SLC39A11: variants seen among roughly 807,000 people sequenced by gnomAD.
SLC39A11 encodes the protein zinc transporter ZIP11.
In SLC39A11, 33 loss-of-function variants were observed where a neutral mutation model predicts 36.1. The observed-to-expected ratio is 0.91, with a 90% confidence interval of 0.69 to 1.22. The LOEUF is 1.22. Ranked by LOEUF, SLC39A11 falls within the 50% of genes most tolerant of loss-of-function variation. The pLI is 0.00. For synonymous variants in SLC39A11, 166 were observed against 170.3 expected, an observed-to-expected ratio of 0.97 and a Z score of 0.20; for missense variants, 432 against 430.3, an observed-to-expected ratio of 1.00 and a Z score of -0.03.
intron 6 of SLC39A11, among the ~76,000 whole-genome samples, chr17:72,784,857 CTTCTTT>C (rs1157053936): frequency 1.1e-4 from 13 of 116,150 alleles, no homozygotes; most frequent in African/African-American, 1.9e-4. Flanking sequence ...TTTTTTCTTT[CTTCTTT>C]TTTTTTTTTT....
intron 5 of SLC39A11, among the ~76,000 whole-genome samples, chr17:72,857,061 T>C (rs1458972095): frequency 6.6e-6 from 1 of 152,220 alleles, no homozygotes; most frequent in Non-Finnish European, 1.5e-5. Context: ...GGGTTTGTTG[T>C]ACAAATTATT....
intron 3 of SLC39A11, among the ~76,000 whole-genome samples, chr17:73,076,242 G>A (rs2060317088): frequency 6.6e-6 from 1 of 150,816 alleles, no homozygotes. Context: ...GTAATTTAAG[G>A]AGTCAGGAGA....
At chr17:73,085,002 C>T (rs2060673867) in intron 2 of SLC39A11, among the ~76,000 whole-genome samples, 156 bp from the exon 3 acceptor site, 1 of 152,160 alleles carries the variant, frequency 6.6e-6, no homozygotes, top group Non-Finnish European at 1.5e-5. Context: ...GGGCCAAGAA[C>T]CACGGGGAAA....
At chr17:72,837,012 T>C (rs2078579971) in intron 6 of SLC39A11, among the ~76,000 whole-genome samples, 1 of 152,140 alleles carries the variant, frequency 6.6e-6, no homozygotes, top group South Asian at 2.1e-4. Context: ...ACATGTTCTT[T>C]CTCATGGCTA....
intron 4 of SLC39A11, among the ~76,000 whole-genome samples, chr17:72,986,475 G>A (rs1401626200): frequency 6.6e-6 from 1 of 152,180 alleles, no homozygotes; most frequent in African/African-American, 2.4e-5. Flanking sequence ...CCACCTGCCA[G>A]GCACTGGCCC....
intron 7 of SLC39A11, among the ~76,000 whole-genome samples, chr17:72,721,968 C>CAAAAAAAAAA (rs11399362): frequency 1.1e-4 from 12 of 104,936 alleles, no homozygotes; most frequent in African/African-American, 4.6e-4. Context: ...GCCTCCATCT[C>CAAAAAAAAAA]AAAAAAAAAA....
intron 6 of SLC39A11, among the ~76,000 whole-genome samples, chr17:72,774,759 T>C (rs1241136207): frequency 6.6e-6 from 1 of 152,232 alleles, no homozygotes; most frequent in Non-Finnish European, 1.5e-5. Flanking sequence ...TAGTGGCTTC[T>C]AGTTAGAGCA....
intron 7 of SLC39A11, among the ~76,000 whole-genome samples, chr17:72,667,565 T>C (rs1479371535): frequency 2.6e-5 from 4 of 152,100 alleles, no homozygotes; most frequent in Non-Finnish European, 5.9e-5. Context: ...GCCAGTAGGG[T>C]GGCTGGGGAT....
intron 6 of SLC39A11, among the ~76,000 whole-genome samples, chr17:72,816,239 T>A (rs1243446886): frequency 6.6e-6 from 1 of 152,194 alleles, no homozygotes; most frequent in African/African-American, 2.4e-5. Flanking sequence ...AACTTAGGAA[T>A]CCCTACATGT....
intron 6 of SLC39A11, among the ~76,000 whole-genome samples, chr17:72,788,907 A>T (rs1339806577): frequency 6.6e-6 from 1 of 152,228 alleles, no homozygotes. Flanking sequence ...GGTGACATGT[A>T]CTGTGGCAAG....
chr17:72,936,816 A>C (rs2084800183), intron 5 of SLC39A11, among the ~76,000 whole-genome samples: 2 of 152,162 alleles, frequency 1.3e-5, no homozygotes, highest in Non-Finnish European at 2.9e-5. Flanking sequence ...GATTCTCATA[A>C]GGAAGGCGCG....
intron 7 of SLC39A11, among the ~76,000 whole-genome samples, chr17:72,660,974 C>T (rs1431044216): frequency 6.6e-6 from 1 of 152,212 alleles, no homozygotes. Context: ...GAGCTTGCTT[C>T]CTTAGCAAAT....
chr17:72,770,061 C>T (rs920620383), intron 6 of SLC39A11, among the ~76,000 whole-genome samples: 7 of 152,214 alleles, frequency 4.6e-5, no homozygotes, highest in African/African-American at 7.2e-5. Flanking sequence ...TGTGCCCTGA[C>T]CACCTTGGGC....
chr17:72,991,016 A>G (rs2089137602), intron 4 of SLC39A11, among the ~76,000 whole-genome samples: 1 of 152,208 alleles, frequency 6.6e-6, no homozygotes, highest in African/African-American at 2.4e-5. Context: ...ATCTTTCAGA[A>G]ATGTAGAAGA....
chr17:72,757,142 G>A (rs2075386718), intron 6 of SLC39A11, among the ~76,000 whole-genome samples: 1 of 151,686 alleles, frequency 6.6e-6, no homozygotes. Flanking sequence ...CTCCACCCTG[G>A]GAGACAAAGC....
intron 5 of SLC39A11, among the ~76,000 whole-genome samples, chr17:72,852,919 T>C (rs940227751): frequency 6.6e-6 from 1 of 152,234 alleles, no homozygotes; most frequent in Non-Finnish European, 1.5e-5. Context: ...TGATTTCCTG[T>C]GCCTGGTCTG....
intron 7 of SLC39A11, among the ~76,000 whole-genome samples, chr17:72,654,897 C>G (rs1018941474): frequency 6.6e-6 from 1 of 152,230 alleles, no homozygotes; most frequent in Admixed American, 6.5e-5. Context: ...AGCCATCGCC[C>G]GGCGGGCTGT....
chr17:72,956,881 T>C (rs1598588453), intron 4 of SLC39A11, among the ~76,000 whole-genome samples: 1 of 152,134 alleles, frequency 6.6e-6, no homozygotes, highest in East Asian at 1.9e-4. Flanking sequence ...AACTTAGTGG[T>C]TTAAAAAAAC....
rs751720441 is a variant in SLC39A11, at chr17:73,021,342, C to CT, written c.306+10213dup. ...TACTCAGTTCCCTTACTCTTTCTTT[C>CT]TTTCTTTTTTTTTTTAAGACATAGT... On this transcript the variant is annotated intron_variant, in intron 4 of 9. Coordinates refer to ENST00000255559, the MANE Select transcript of SLC39A11 (RefSeq NM_139177.4). Among the ~76,000 whole-genome samples the CT allele has an allele frequency of 1.1e-3, 171 of 151,572 alleles. No homozygotes were observed. The East Asian group carries it at 0.018, about 16-fold the overall frequency.
Sources: gnomAD v4.1 joint callset for allele counts (sites outside exome capture counted in the v4.1 genomes callset) on GRCh38, gnomAD v4.1.1 for gene constraint, MANE v1.5 for transcripts, NCBI Gene and HGNC (gene_info 2026-07-23, HGNC 2026-07-21) for gene names.